Variants in CCDC175 observed in about 807,000 individuals in gnomAD.
CCDC175 encodes the protein coiled-coil domain containing 175.
A neutral mutation model predicts 114.6 loss-of-function variants in CCDC175; 100 were observed. That is an observed-to-expected ratio of 0.87 (90% CI 0.74 to 1.03). CCDC175 has a LOEUF of 1.03. Ranked by LOEUF, CCDC175 falls within the 50% of genes least tolerant of loss-of-function variation. CCDC175 has a pLI of 0.00. For synonymous variants in CCDC175, 306 were observed against 308.7 expected, an observed-to-expected ratio of 0.99 and a Z score of 0.09; for missense variants, 880 against 917.8, an observed-to-expected ratio of 0.96 and a Z score of 0.53.
At chr14:59,534,909 T>C (rs1031604539) in intron 13 of CCDC175, among the ~76,000 whole-genome samples, 1 of 152,206 alleles carries the variant, frequency 6.6e-6, no homozygotes, top group African/African-American at 2.4e-5. Context: ...GAGACCCAAA[T>C]GGTAGTGGGA....
Position 59,537,968 on chromosome 14 carries a change from C to T in CCDC175, c.1623+55G>A. On this transcript the variant is annotated intron_variant, in intron 13 of 19. Coordinates refer to ENST00000537690, the MANE Select transcript of CCDC175 (RefSeq NM_001164399.2). ...TTAGAATAGCATGAAATATTATTCCCCCTCCCCCTCATGTAGTCATCCAAA... is the reference window on the plus strand; with the variant it reads ...TTAGAATAGCATGAAATATTATTCCTCCTCCCCCTCATGTAGTCATCCAAA... The T allele has an allele frequency of 1.2e-5, 14 of 1,158,552 alleles. 1 individual carries two copies. Among genetic ancestry groups the T allele is most frequent in the South Asian group, 6.2e-5 (4 of 64,710 alleles). The allele number at this position is 1,158,552 out of a possible 1,614,324, so 71.8% of individuals were successfully genotyped here.
intron 13 of CCDC175, among the ~76,000 whole-genome samples, chr14:59,537,106 G>A (rs1255780165): frequency 6.6e-6 from 1 of 152,064 alleles, no homozygotes. Flanking sequence ...TTTGTTCCAT[G>A]CCACCATTTT....
intron 8 of CCDC175, among the ~76,000 whole-genome samples, chr14:59,547,356 G>GT (rs1400635709): frequency 5.3e-5 from 8 of 152,120 alleles, no homozygotes; most frequent in Non-Finnish European, 7.4e-5. Flanking sequence ...ATCCAAACAG[G>GT]TTTTTTGGAA....
Position 59,525,138 on chromosome 14 carries a change from T to G in CCDC175, c.1995+144A>C, listed in dbSNP as rs555514899. On this transcript the variant is annotated intron_variant, in intron 16 of 19. Coordinates refer to ENST00000537690, the MANE Select transcript of CCDC175 (RefSeq NM_001164399.2). ...CAAGTGTGTTCATGGGGCTGTACAC[T>G]TGCAATCTGGGCACTTTTCTGTGTG... is the stretch of plus-strand genomic sequence containing the variant. 7.3e-5 allele frequency: 40 copies of G among 549,428 alleles called. 1 individual carries two copies. In the South Asian group the frequency reaches 1.2e-3, roughly 16 times the overall value. 34.0% of individuals were successfully genotyped at this position (549,428 alleles called of 1,614,324 possible).
intron 16 of CCDC175, among the ~76,000 whole-genome samples, chr14:59,523,925 C>A (rs1407847871): frequency 2.6e-5 from 4 of 151,774 alleles, no homozygotes; most frequent in South Asian, 2.1e-4. Flanking sequence ...GGAGGCGGAG[C>A]TTGCAGTGAG....
chr14:59,575,194 TA>T (rs1897041833), intron 1 of CCDC175, among the ~76,000 whole-genome samples, 166 bp from the exon 2 acceptor site: 2 of 152,264 alleles, frequency 1.3e-5, no homozygotes, highest in African/African-American at 4.8e-5. Flanking sequence ...TCCTATTCCA[TA>T]ATGTTATAAT....
chr14:59,550,694 C>T lies in CCDC175; in HGVS notation c.1035+661G>A, dbSNP rs116291213. 4.0e-3 allele frequency among the ~76,000 whole-genome samples: 609 copies of T among 152,150 alleles called. 2 individuals are homozygous for T. The highest frequency in any genetic ancestry group is 0.014 in the African/African-American group (570 of 41,500). On this transcript the variant is annotated intron_variant, in intron 8 of 19. Coordinates refer to ENST00000537690, the MANE Select transcript of CCDC175 (RefSeq NM_001164399.2). ...GCTGAAGAACCTGGAATCTGGTGTT[C>T]GAGAGCAGGAAGCATCCAGCATGGG...
intron 19 of CCDC175, among the ~76,000 whole-genome samples, chr14:59,508,769 A>G (rs1892593230): frequency 6.6e-6 from 1 of 152,024 alleles, no homozygotes; most frequent in Admixed American, 6.6e-5. Context: ...TGATTTGAGG[A>G]CACAATGAGG....
At chr14:59,549,027 G>A (rs1216976529) in intron 8 of CCDC175, among the ~76,000 whole-genome samples, 1 of 152,206 alleles carries the variant, frequency 6.6e-6, no homozygotes, top group African/African-American at 2.4e-5. Flanking sequence ...TTTGTGCTCT[G>A]CAACAGGATT....
At chr14:59,566,397 G>A (rs1296456956) in intron 4 of CCDC175, among the ~76,000 whole-genome samples, 5 of 152,166 alleles carry the variant, frequency 3.3e-5, no homozygotes, top group Non-Finnish European at 5.9e-5. Flanking sequence ...AGTTTCAGAG[G>A]AATTGTGTTT....
At chr14:59,551,798 C>G (rs1300491425) in intron 7 of CCDC175, among the ~76,000 whole-genome samples, 1 of 152,218 alleles carries the variant, frequency 6.6e-6, no homozygotes, top group African/African-American at 2.4e-5. Context: ...AGGGTCTTAG[C>G]AAACGGCACA....
At chr14:59,518,916 C>T (rs1434788143) in intron 17 of CCDC175, among the ~76,000 whole-genome samples, 1 of 152,172 alleles carries the variant, frequency 6.6e-6, no homozygotes, top group Non-Finnish European at 1.5e-5. Context: ...TTGGAACCAA[C>T]CCAAATGTCC....
At position 59,568,263 on chromosome 14, in the gene CCDC175, T is replaced by C. The variant is rs1194086976; in HGVS notation, c.473A>G (p.Lys158Arg). The C allele has an allele frequency of 2.0e-6, 3 of 1,531,152 alleles. No individual in the cohort carries two copies. Among genetic ancestry groups the C allele is most frequent in the Non-Finnish European group, 2.6e-6 (3 of 1,145,514 alleles). The allele number at this position is 1,531,152 out of a possible 1,614,324, so 94.8% of individuals were successfully genotyped here. A position where few individuals can be genotyped will look rare whatever the true frequency, so the allele number is the denominator to read the frequency against. The change falls in exon 4 of 20, where the codon AAA becomes AGA. Residue 158 changes from lysine to arginine, a missense_variant. Coordinates refer to ENST00000537690, the MANE Select transcript of CCDC175 (RefSeq NM_001164399.2). ...LLKKKITDLT[K>R]YNEALGEKQE... is the part of the protein sequence containing the mutation. ...TACCTACCCCAGAGCTTCATTATAT[T>C]TTGTCAGGTCAGTTATTTTCTTCTT...
chr14:59,513,311 AAGTGGGTGCAGGAC>A (rs901421920), intron 17 of CCDC175, among the ~76,000 whole-genome samples: 1 of 152,132 alleles, frequency 6.6e-6, no homozygotes, highest in Non-Finnish European at 1.5e-5. Context: ...GAGTGTCAGA[AAGTGGGTGCAGGAC>A]AGTGGGTGCA....
At chr14:59,510,925 C>T (rs538951119) in intron 18 of CCDC175, 117 bp from the exon 19 acceptor site, 12 of 910,030 alleles carry the variant, frequency 1.3e-5, no homozygotes, top group Non-Finnish European at 1.6e-5. Context: ...TGGTATCAGT[C>T]ATAAAAATAA....
intron 18 of CCDC175, among the ~76,000 whole-genome samples, chr14:59,511,410 A>T (rs905616311): frequency 3.9e-5 from 6 of 152,144 alleles, no homozygotes; most frequent in Non-Finnish European, 8.8e-5. Context: ...AGAGGTAAGG[A>T]GTCCAGAACT....
In CCDC175 at chr14:59,561,129, C is replaced by G; in HGVS notation, c.943G>C (p.Glu315Gln). 1 of 1,521,872 alleles carries G rather than the reference C, an allele frequency of 6.6e-7. No individual in the cohort carries two copies. The allele number at this position is 1,521,872 out of a possible 1,614,324, so 94.3% of individuals were successfully genotyped here. ...SELKKDLAIL[E>Q]AKLCFFTDNK... is the part of the protein sequence containing the mutation. ...AAGCATTACACTTACAGTTTCGCCT[C>G]CAGAATTGCAAGGTCTTTCTTTAGC... Residue 315 changes from glutamate (E) to glutamine (Q), a missense_variant, in exon 7 of 20, where the codon GAG becomes CAG. By Grantham distance (29) the Glu-to-Gln change is conservative. Coordinates refer to ENST00000537690, the MANE Select transcript of CCDC175 (RefSeq NM_001164399.2).
At chr14:59,573,740 G>C (rs1327550586) in intron 2 of CCDC175, among the ~76,000 whole-genome samples, 1 of 151,432 alleles carries the variant, frequency 6.6e-6, no homozygotes, top group African/African-American at 2.4e-5. Flanking sequence ...AGCCTCCCAA[G>C]TAGCTAGGAT....
intron 8 of CCDC175, among the ~76,000 whole-genome samples, chr14:59,547,312 A>C (rs553522009): frequency 6.6e-6 from 1 of 152,344 alleles, no homozygotes; most frequent in East Asian, 1.9e-4. Context: ...CCCTCTTCAA[A>C]CTGATTTACA....
Sources: allele counts gnomAD v4.1 joint callset (sites outside exome capture counted in the v4.1 genomes callset), GRCh38; gene constraint gnomAD v4.1.1; transcripts MANE v1.5; gene names NCBI Gene and HGNC (gene_info 2026-07-23, HGNC 2026-07-21).